Variants in UNC80 observed in about 807,000 individuals in gnomAD.
The protein encoded by UNC80 is protein unc-80 homolog.
A neutral mutation model predicts 384.6 loss-of-function variants in UNC80; 164 were observed. The ratio of observed to expected loss-of-function variants is 0.43; its 90% CI spans 0.38 to 0.49. The LOEUF (loss-of-function observed/expected upper bound fraction) is 0.49, where lower values mean the gene tolerates loss of function less well. Ranked by LOEUF, UNC80 falls within the 20% of genes least tolerant of loss-of-function variation. UNC80 has a pLI of 0.00. For missense variants in UNC80, 3,330 were observed against 4,143.0 expected (o/e 0.80, Z 5.39); for synonymous variants, 1,486 against 1,527.8 (o/e 0.97, Z 0.64).
chr2:209,858,001 A>G (rs2083060908), intron 22 of UNC80, among the ~76,000 whole-genome samples: 1 of 152,172 alleles, frequency 6.6e-6, no homozygotes, highest in African/African-American at 2.4e-5. Context: ...CACTTGTAGA[A>G]CACAGTGATT....
intron 24 of UNC80, among the ~76,000 whole-genome samples, chr2:209,880,406 C>A (rs1234494006): frequency 6.6e-6 from 1 of 152,164 alleles, no homozygotes; most frequent in Non-Finnish European, 1.5e-5. Flanking sequence ...GTAAGTATGT[C>A]TTGTCTGTGT....
chr2:209,888,900 C>T (rs188435619), intron 26 of UNC80, among the ~76,000 whole-genome samples: 16 of 152,210 alleles, frequency 1.1e-4, no homozygotes, highest in East Asian at 7.7e-4. Context: ...TCTATTCGCA[C>T]GAAATTCTTG....
At chr2:209,956,364 A>G (rs957461088) in intron 48 of UNC80, among the ~76,000 whole-genome samples, 1 of 390 alleles carries the variant, frequency 2.6e-3, no homozygotes, top group African/African-American at 0.012. Flanking sequence ...CTGAACTTTT[A>G]TCTGAAGGCA....
At chr2:209,879,201 A>C (rs1207925466) in intron 24 of UNC80, among the ~76,000 whole-genome samples, 2 of 152,184 alleles carry the variant, frequency 1.3e-5, no homozygotes, top group Non-Finnish European at 2.9e-5. Flanking sequence ...AGCCTAGACT[A>C]TCTTAGAATG....
intron 29 of UNC80, among the ~76,000 whole-genome samples, chr2:209,906,114 C>T (rs533437996): frequency 5.1e-4 from 77 of 152,158 alleles, no homozygotes; most frequent in African/African-American, 1.8e-3. Flanking sequence ...AAGGAATTTG[C>T]AAACCAGGTT....
chr2:209,813,219 C>T (rs376554379), intron 7 of UNC80, among the ~76,000 whole-genome samples: 2 of 152,176 alleles, frequency 1.3e-5, no homozygotes, highest in Non-Finnish European at 2.9e-5. Flanking sequence ...TTGTCCATCA[C>T]CCAAATTACT....
intron 22 of UNC80, among the ~76,000 whole-genome samples, chr2:209,865,122 C>T (rs145138420): frequency 6.6e-6 from 1 of 152,190 alleles, no homozygotes; most frequent in Non-Finnish European, 1.5e-5. Context: ...AGGTGCGCTG[C>T]CGCACCACAC....
chr2:209,898,176 T>C (rs1416761873), intron 28 of UNC80, among the ~76,000 whole-genome samples: 1 of 152,094 alleles, frequency 6.6e-6, no homozygotes, highest in African/African-American at 2.4e-5. Flanking sequence ...AACCAGATTT[T>C]CATTTTGTCA....
chr2:209,970,740 A>C (rs1244136230), intron 53 of UNC80, 92 bp from the exon 54 acceptor site: 10 of 1,419,154 alleles, frequency 7.0e-6, no homozygotes, highest in Non-Finnish European at 9.4e-6. Flanking sequence ...TCAATTTATC[A>C]TTTTTATTAT....
chr2:209,910,989 A>C (rs2088867841), intron 29 of UNC80, among the ~76,000 whole-genome samples: 1 of 152,108 alleles, frequency 6.6e-6, no homozygotes, highest in Admixed American at 6.6e-5. Flanking sequence ...GTCTGTTCTC[A>C]TGCTGCTATA....
chr2:209,871,921 A>G (rs2084334814), intron 22 of UNC80, among the ~76,000 whole-genome samples: 1 of 151,664 alleles, frequency 6.6e-6, no homozygotes, highest in Non-Finnish European at 1.5e-5. Flanking sequence ...AACATTTTCA[A>G]TTAAAACCAT....
In UNC80 at chr2:209,918,656, A is replaced by ACC. The variant is rs1206120928; in HGVS notation, c.5337_5338dup (p.Gln1780ProfsTer22). On this transcript the variant is annotated frameshift_variant, in exon 33 of 65. Transcript: ENST00000673920. LOFTEE classifies it high-confidence loss of function. ...AGTGTCCAGGACCCCATTAATGAAG[A>ACC]CCAGTCTGTGAGTAACAGACACTTC... 1 of 1,547,000 alleles carries ACC rather than the reference A, an allele frequency of 6.5e-7. No homozygotes were observed. Among genetic ancestry groups the ACC allele is most frequent in the African/African-American group, 1.4e-5 (1 of 72,960 alleles).
rs1344354168 is a variant in UNC80, at chr2:209,817,102, G to A, written c.1529G>A (p.Gly510Glu). The change falls in exon 10 of 65, where the codon GGA becomes GAA. Residue 510 changes from glycine (G) to glutamate (E), a missense_variant. Transcript: ENST00000673920. ...LGEDRRGIEK[G>E]GWQTTILGKL... ...GAAGACAGGCGAGGAATTGAGAAAGGAGGCTGGCAAACCACCATTTTAGGT... is the reference window on the plus strand; with the variant it reads ...GAAGACAGGCGAGGAATTGAGAAAGAAGGCTGGCAAACCACCATTTTAGGT... The A allele has an allele frequency of 1.3e-6, 2 of 1,551,572 alleles. No homozygotes were observed. The highest frequency in any genetic ancestry group is 2.7e-5 in the African/African-American group (2 of 73,022).
At chr2:209,901,290 C>T (rs2087369959) in intron 28 of UNC80, among the ~76,000 whole-genome samples, 1 of 152,092 alleles carries the variant, frequency 6.6e-6, no homozygotes, top group African/African-American at 2.4e-5. Context: ...AGTCAGTGCT[C>T]ATTTGCCATT....
intron 60 of UNC80, among the ~76,000 whole-genome samples, chr2:209,983,926 G>T (rs13400559): frequency 2.4e-3 from 363 of 152,304 alleles, no homozygotes; most frequent in African/African-American, 8.4e-3. Flanking sequence ...ATAAGGGAAA[G>T]TGAGTCTCTT....
At chr2:209,783,856 T>C (rs1198634487) in intron 4 of UNC80, among the ~76,000 whole-genome samples, 1 of 152,210 alleles carries the variant, frequency 6.6e-6, no homozygotes, top group East Asian at 1.9e-4. Flanking sequence ...ATTTGCTTAA[T>C]GTTAATTTCC....
chr2:209,857,411 A>ATCT (rs2083013168), intron 22 of UNC80, among the ~76,000 whole-genome samples: 1 of 152,176 alleles, frequency 6.6e-6, no homozygotes, highest in Non-Finnish European at 1.5e-5. Flanking sequence ...TGTTGGCATA[A>ATCT]AATTGCTGAG....
chr2:209,930,012 A>G (rs1559347324), intron 37 of UNC80, 41 bp downstream of exon 37: 2 of 1,355,628 alleles, frequency 1.5e-6, no homozygotes, highest in Non-Finnish European at 2.0e-6. Flanking sequence ...TGTGGCTACA[A>G]GTGTGAACAC....
Position 209,959,564 on chromosome 2 carries a change from G to C in UNC80, c.7662G>C (p.Glu2554Asp), listed in dbSNP as rs1012401970. ...EELDERIARE[E>D]FRRPRESLLN... ...TGGATGAACGAATTGCTCGGGAAGA[G>C]TTCAGAAGACCCCGGGAGTCCTTAC... The change falls in exon 51 of 65, where the codon GAG (glutamate) becomes GAC (aspartate). Residue 2554 changes from glutamate to aspartate, a missense_variant. Coordinates refer to ENST00000673920, the MANE Select transcript of UNC80 (RefSeq NM_001371986.1). 1.3e-6 allele frequency: 2 copies of C among 1,551,732 alleles called. No homozygotes were observed. Among genetic ancestry groups the C allele is most frequent in the Non-Finnish European group, 8.7e-7 (1 of 1,146,994 alleles).
Sources: gnomAD v4.1 joint callset for allele counts (sites outside exome capture counted in the v4.1 genomes callset) on GRCh38, gnomAD v4.1.1 for gene constraint, MANE v1.5 for transcripts, NCBI Gene and HGNC (gene_info 2026-07-23, HGNC 2026-07-21) for gene names.